The following ADGB variants were observed in gnomAD, a reference collection of about 807,000 sequenced individuals.
ADGB encodes calpain-7-like protein.
In ADGB, 172 loss-of-function variants were observed where a neutral mutation model predicts 210.5. That is an observed-to-expected ratio of 0.82 (90% CI 0.72 to 0.93). The LOEUF (loss-of-function observed/expected upper bound fraction) is 0.93, where lower values mean the gene tolerates loss of function less well. ADGB is among the 40% of genes least tolerant of loss of function. The pLI is 0.00. For synonymous variants in ADGB, 658 were observed against 662.7 expected (o/e 0.99, Z 0.11); for missense variants, 2,025 against 1,964.8 (o/e 1.03, Z -0.58).
rs1431073830 is a variant in ADGB at position 146,726,077 on chromosome 6, C to T, written c.2238-6C>T. On this transcript the variant is annotated splice_polypyrimidine_tract_variant and splice_region_variant and intron_variant, in intron 18 of 35. Coordinates refer to ENST00000397944, the MANE Select transcript of ADGB (RefSeq NM_024694.4). ...TCGGTTATCATCCGGCATCCCTTCT[C>T]TTTAGGAGACACATGCTACTCTTCA... The T allele has an allele frequency of 1.3e-6, 2 of 1,513,598 alleles. No individual in the cohort carries two copies. The highest frequency in any genetic ancestry group is 1.2e-5 in the South Asian group (1 of 81,456). The allele number at this position is 1,513,598 out of a possible 1,614,324, so 93.8% of individuals were successfully genotyped here.
chr6:146,725,052 C>G (rs1295467527), intron 18 of ADGB: 1 of 152,168 alleles, frequency 6.6e-6, no homozygotes, highest in Non-Finnish European at 1.5e-5. Flanking sequence ...AAAGCCTCAG[C>G]AACAAATGCT....
intron 5 of ADGB, among the ~76,000 whole-genome samples, chr6:146,659,820 C>T (rs538621656): frequency 4.6e-5 from 7 of 152,142 alleles, no homozygotes; most frequent in South Asian, 2.1e-4. Flanking sequence ...TTTGGGCCCC[C>T]GAAAGAAGCA....
chr6:146,707,882 T>A (rs1006343906), intron 13 of ADGB, among the ~76,000 whole-genome samples: 1 of 152,104 alleles, frequency 6.6e-6, no homozygotes, highest in Non-Finnish European at 1.5e-5. Context: ...ATTTCATTAA[T>A]TTTTTTCTGG....
chr6:146,718,828 T>G (rs1186752852), intron 16 of ADGB, among the ~76,000 whole-genome samples: 3 of 152,216 alleles, frequency 2.0e-5, no homozygotes, highest in Non-Finnish European at 4.4e-5. Context: ...AGCTGCTTTG[T>G]TGCTGGCTGC....
At chr6:146,718,762 A>G (rs550299875) in intron 16 of ADGB, among the ~76,000 whole-genome samples, 10 of 152,296 alleles carry the variant, frequency 6.6e-5, no homozygotes, top group Non-Finnish European at 1.0e-4. Flanking sequence ...AAACTTTTCC[A>G]TTGCCCTTGT....
chr6:146,753,294 T>C (rs928527943), intron 27 of ADGB, among the ~76,000 whole-genome samples: 4 of 152,050 alleles, frequency 2.6e-5, no homozygotes, highest in Admixed American at 2.6e-4. Context: ...AAAAAGTTAA[T>C]ATTTTAGCTT....
chr6:146,715,397 C>A lies in ADGB; in HGVS notation c.1723C>A (p.Gln575Lys). The change falls in exon 14 of 36, where the codon CAA becomes AAA. Residue 575 changes from glutamine (Q) to lysine (K), a missense_variant. Transcript: ENST00000397944. Reference protein sequence around the residue: ...KATSQGNTASQVILGKGTDEQ... With the variant: ...KATSQGNTASKVILGKGTDEQ... ...TAATTCATAGGGAAATACTGCTTCA[C>A]AAGTTATACTTGGAAAAGGTAAATT... 6.7e-7 allele frequency: 1 copy of A among 1,497,344 alleles called. No individual in the cohort carries two copies. Among genetic ancestry groups the A allele is most frequent in the Non-Finnish European group, 8.9e-7 (1 of 1,123,784 alleles). The allele number at this position is 1,497,344 out of a possible 1,614,324, so 92.8% of individuals were successfully genotyped here.
chr6:146,787,699 AG>A (rs1450080268), intron 32 of ADGB, among the ~76,000 whole-genome samples: 2 of 148,128 alleles, frequency 1.4e-5, no homozygotes, highest in African/African-American at 5.0e-5. Flanking sequence ...CATGCTCTTA[AG>A]TACTTTCCTA....
intron 2 of ADGB, among the ~76,000 whole-genome samples, chr6:146,643,475 T>G (rs1255753402): frequency 6.6e-6 from 1 of 152,020 alleles, no homozygotes; most frequent in South Asian, 2.1e-4. Context: ...ATTTTAATAT[T>G]ATTTTTTGTA....
chr6:146,725,825 C>G (rs529072355), intron 18 of ADGB: 196 of 308,932 alleles, frequency 6.3e-4, no homozygotes, highest in African/African-American at 3.9e-3. Flanking sequence ...GGAGGTCACT[C>G]CAGCATGTAC....
intron 2 of ADGB, among the ~76,000 whole-genome samples, chr6:146,643,736 G>A (rs1775554816): frequency 1.3e-5 from 2 of 151,784 alleles, no homozygotes; most frequent in East Asian, 3.9e-4. Context: ...ATTGGTAATA[G>A]CCCAATCCTG....
rs1218400566 is a variant in ADGB at position 146,728,576 on chromosome 6, G to C, written c.2355G>C (p.Glu785Asp). 1 of 1,550,898 alleles carries C rather than the reference G, an allele frequency of 6.4e-7. No individual in the cohort carries two copies. Among genetic ancestry groups the C allele is most frequent in the East Asian group, 2.4e-5 (1 of 40,910 alleles). The part of the protein sequence containing the change: ...EHVVLPNFEP[E>D]SCRFTEQSLL... ...GCTGCCATGCTTTGTCTTCACAGGAGAGCTGCCGATTTACGGAACAGTCTC... is the reference window on the plus strand; with the variant it reads ...GCTGCCATGCTTTGTCTTCACAGGACAGCTGCCGATTTACGGAACAGTCTC... The change falls in exon 20 of 36, where the codon GAG (glutamate) becomes GAC (aspartate). Residue 785 changes from glutamate to aspartate, a missense_variant and splice_region_variant. Coordinates refer to ENST00000397944, the MANE Select transcript of ADGB (RefSeq NM_024694.4).
At chr6:146,748,005 A>T (rs1583620246) in intron 26 of ADGB, among the ~76,000 whole-genome samples, 1 of 151,320 alleles carries the variant, frequency 6.6e-6, no homozygotes, top group South Asian at 2.1e-4. Flanking sequence ...CTAGTCTCAA[A>T]CTCCTGGCCT....
At chr6:146,616,299 G>A (rs1780798961) in intron 1 of ADGB, among the ~76,000 whole-genome samples, 1 of 148,330 alleles carries the variant, frequency 6.7e-6, no homozygotes, top group Non-Finnish European at 1.5e-5. Context: ...AGTTGTTTAA[G>A]TTTTCTATAT....
At chr6:146,606,290 T>C (rs553188133) in intron 1 of ADGB, among the ~76,000 whole-genome samples, 18 of 152,356 alleles carry the variant, frequency 1.2e-4, no homozygotes, top group South Asian at 1.0e-3. Flanking sequence ...AGATTCTAGA[T>C]ATTAAACTAT....
chr6:146,726,145 T>C lies in ADGB; in HGVS notation c.2300T>C (p.Met767Thr). ...PVGHSIHICSMVSFVIGDEHV... is the reference protein window; with the variant it reads ...PVGHSIHICSTVSFVIGDEHV... ...GGACACTCCATACACATCTGCAGCA[T>C]GGTGTCATTTGTCATTGGGGATGAA... is the stretch of plus-strand genomic sequence containing the variant. Residue 767 changes from methionine to threonine, a missense_variant, in exon 19 of 36, where the codon ATG (methionine) becomes ACG (threonine). Coordinates refer to ENST00000397944, the MANE Select transcript of ADGB (RefSeq NM_024694.4). 8 of 1,550,036 alleles carry C rather than the reference T, an allele frequency of 5.2e-6. No individual in the cohort carries two copies. The South Asian group carries it at 6.0e-5, about 12-fold the overall frequency.
At chr6:146,691,459 A>ATATATATATAAATATATATAT (rs1776319302) in intron 11 of ADGB, among the ~76,000 whole-genome samples, 169 bp downstream of exon 11, 1 of 44,746 alleles carries the variant, frequency 2.2e-5, no homozygotes, top group Non-Finnish European at 3.2e-5. Flanking sequence ...TATATATATA[A>ATATATATATAAATATATATAT]AAATATATAT....
At chr6:146,642,590 C>A (rs1775534766) in intron 2 of ADGB, among the ~76,000 whole-genome samples, 1 of 151,868 alleles carries the variant, frequency 6.6e-6, no homozygotes, top group Admixed American at 6.6e-5. Context: ...TAAAAAAGAA[C>A]AAGATCGTGT....
chr6:146,746,241 A>C (rs965630799), intron 26 of ADGB, 132 bp downstream of exon 26: 1 of 667,128 alleles, frequency 1.5e-6, no homozygotes. Context: ...GGAAACAATT[A>C]ATTGAGTGTG....
Sources: allele counts gnomAD v4.1 joint callset (sites outside exome capture counted in the v4.1 genomes callset), GRCh38; gene constraint gnomAD v4.1.1; transcripts MANE v1.5; gene names NCBI Gene and HGNC (gene_info 2026-07-23, HGNC 2026-07-21).